Variants in GOLPH3 observed in about 807,000 individuals in gnomAD.
GOLPH3 encodes the protein coat protein GPP34.
In GOLPH3, 14 loss-of-function variants were observed where a neutral mutation model predicts 28.5. The ratio of observed to expected loss-of-function variants is 0.49; its 90% CI spans 0.32 to 0.77. The LOEUF (loss-of-function observed/expected upper bound fraction) is 0.77, where lower values mean the gene tolerates loss of function less well. Ranked by LOEUF, GOLPH3 falls within the 30% of genes least tolerant of loss-of-function variation. The pLI, the probability that GOLPH3 is intolerant of heterozygous loss-of-function variation, is 0.03. For synonymous variants in GOLPH3, 158 were observed against 159.2 expected, an observed-to-expected ratio of 0.99 and a Z score of 0.06; for missense variants, 350 against 393.7, an observed-to-expected ratio of 0.89 and a Z score of 0.94.
chr5:32,139,748 G>C (rs1441849459), intron 2 of GOLPH3, among the ~76,000 whole-genome samples: 1 of 152,152 alleles, frequency 6.6e-6, no homozygotes, highest in African/African-American at 2.4e-5. Flanking sequence ...TAACGTGAAA[G>C]AAAGCTTCCA....
At position 32,171,379 on chromosome 5, in the gene GOLPH3, C is replaced by G. The variant is rs143985446; in HGVS notation, c.225+2431G>C. On this transcript the variant is annotated intron_variant, in intron 1 of 3. Transcript: ENST00000265070. ...AAGCCATCCTGGGCCACATTTGGCC[C>G]GCGGGTTGGAAAAGCTTGATTTAGA... Among the ~76,000 whole-genome samples the G allele has an allele frequency of 4.5e-3, 688 of 152,026 alleles. 4 individuals are homozygous for G. Among genetic ancestry groups the G allele is most frequent in the African/African-American group, 0.016 (653 of 41,472 alleles).
chr5:32,158,023 T>TAC (rs368465798), intron 1 of GOLPH3, among the ~76,000 whole-genome samples: 579 of 26,728 alleles, frequency 0.022, 68 homozygotes, highest in South Asian at 0.072. Context: ...ATAAATAAAA[T>TAC]ACACACACAC....
chr5:32,165,626 T>C (rs1561685198), intron 1 of GOLPH3, among the ~76,000 whole-genome samples: 1 of 152,164 alleles, frequency 6.6e-6, no homozygotes, highest in Non-Finnish European at 1.5e-5. Flanking sequence ...CATAATTTAG[T>C]TTTGTAGTTT....
Position 32,174,020 on chromosome 5 carries a change from G to C in GOLPH3, c.15C>G (p.Thr5=). 1 of 1,297,690 alleles carries C rather than the reference G, an allele frequency of 7.7e-7. No homozygotes were observed. The highest frequency in any genetic ancestry group is 9.7e-7 in the Non-Finnish European group (1 of 1,031,078). The allele number at this position is 1,297,690 out of a possible 1,614,324, so 80.4% of individuals were successfully genotyped here. Residue 5 remains threonine (T), a synonymous_variant, in exon 1 of 4, where the codon ACC becomes ACG. Coordinates refer to ENST00000265070, the MANE Select transcript of GOLPH3 (RefSeq NM_022130.4). MTSL[T]QRSSGLVQRR... is the part of the protein sequence containing the mutation. Reference sequence around the variant, plus strand: ...GCTGCACCAGGCCGGAGCTGCGCTGGGTCAGCGAGGTCATGGCTCCCGCCG... The same window carrying C: ...GCTGCACCAGGCCGGAGCTGCGCTGCGTCAGCGAGGTCATGGCTCCCGCCG...
chr5:32,129,140 C>T (rs1745767655), intron 3 of GOLPH3, among the ~76,000 whole-genome samples: 1 of 152,150 alleles, frequency 6.6e-6, no homozygotes, highest in African/African-American at 2.4e-5. Flanking sequence ...CGAGATTGCA[C>T]CACTGCACTC....
At chr5:32,150,774 G>A (rs901300489) in intron 1 of GOLPH3, among the ~76,000 whole-genome samples, 4 of 152,038 alleles carry the variant, frequency 2.6e-5, no homozygotes, top group African/African-American at 7.2e-5. Flanking sequence ...TCACGCTGGT[G>A]CTGAAAAAGT....
At chr5:32,148,337 T>A (rs1180623234) in intron 1 of GOLPH3, among the ~76,000 whole-genome samples, 1 of 152,260 alleles carries the variant, frequency 6.6e-6, no homozygotes, top group Non-Finnish European at 1.5e-5. Context: ...TACTACGTTA[T>A]ATGAATGTTC....
At chr5:32,148,531 C>T (rs1305620290) in intron 1 of GOLPH3, among the ~76,000 whole-genome samples, 1 of 152,220 alleles carries the variant, frequency 6.6e-6, no homozygotes, top group East Asian at 1.9e-4. Context: ...CACATGGTGG[C>T]TCACGCCTGT....
At chr5:32,139,808 T>A (rs1341777147) in intron 2 of GOLPH3, among the ~76,000 whole-genome samples, 1 of 151,998 alleles carries the variant, frequency 6.6e-6, no homozygotes, top group Non-Finnish European at 1.5e-5. Flanking sequence ...GAAACAGATA[T>A]AATACAGATA....
At chr5:32,132,628 G>A (rs1745846643) in intron 3 of GOLPH3, among the ~76,000 whole-genome samples, 1 of 152,130 alleles carries the variant, frequency 6.6e-6, no homozygotes, top group Non-Finnish European at 1.5e-5. Context: ...TAGCACATAT[G>A]TCATTATTGG....
At chr5:32,161,816 A>C (rs1746585826) in intron 1 of GOLPH3, among the ~76,000 whole-genome samples, 1 of 150,810 alleles carries the variant, frequency 6.6e-6, no homozygotes, top group Non-Finnish European at 1.5e-5. Context: ...CCACGAGGTC[A>C]GGAGATCAAA....
intron 1 of GOLPH3, among the ~76,000 whole-genome samples, chr5:32,147,449 A>G (rs754732604): frequency 6.6e-6 from 1 of 151,924 alleles, no homozygotes; most frequent in Admixed American, 6.6e-5. Context: ...AAAAAAAAAG[A>G]AAAGAAATCC....
intron 1 of GOLPH3, among the ~76,000 whole-genome samples, chr5:32,173,505 G>C (rs1746894634): frequency 6.6e-6 from 1 of 152,094 alleles, no homozygotes; most frequent in Non-Finnish European, 1.5e-5. Flanking sequence ...GGTTAAAAAC[G>C]CGGAAAAAAG....
chr5:32,171,026 A>G (rs1746822244), intron 1 of GOLPH3, among the ~76,000 whole-genome samples: 1 of 152,350 alleles, frequency 6.6e-6, no homozygotes, highest in East Asian at 1.9e-4. Flanking sequence ...GATGCAAAAT[A>G]AACAGAACAC....
intron 1 of GOLPH3, among the ~76,000 whole-genome samples, chr5:32,169,111 T>TA (rs201258179): frequency 2.5e-4 from 37 of 150,876 alleles, no homozygotes; most frequent in African/African-American, 6.3e-4. Context: ...CCTGTCTTTA[T>TA]AAAAAAAAAA....
Position 32,164,861 on chromosome 5 carries a change from AAAT to A in GOLPH3, c.225+8946_225+8948del, listed in dbSNP as rs1257170119. Reference sequence around the variant, plus strand: ...ATTTAATAAGTAAATTTACTTTAATAAATAATATTAGCTTACTTAATAAGGTAA... The same window carrying A: ...ATTTAATAAGTAAATTTACTTTAATAAATATTAGCTTACTTAATAAGGTAA... On this transcript the variant is annotated intron_variant, in intron 1 of 3. Coordinates refer to ENST00000265070, the MANE Select transcript of GOLPH3 (RefSeq NM_022130.4). 4.0e-5 allele frequency among the ~76,000 whole-genome samples: 6 copies of A among 151,868 alleles called. No individual in the cohort carries two copies. In the East Asian group the frequency reaches 7.7e-4, roughly 20 times the overall value.
chr5:32,170,815 A>C (rs1041592528), intron 1 of GOLPH3, among the ~76,000 whole-genome samples: 5 of 152,148 alleles, frequency 3.3e-5, no homozygotes, highest in African/African-American at 1.2e-4. Context: ...AAAAATATAT[A>C]GGCTAATCCC....
At chr5:32,131,145 T>TA (rs1745816981) in intron 3 of GOLPH3, among the ~76,000 whole-genome samples, 1 of 152,162 alleles carries the variant, frequency 6.6e-6, no homozygotes, top group South Asian at 2.1e-4. Flanking sequence ...CTCCAACAAA[T>TA]AGACGGTTAT....
chr5:32,142,435 C>A (rs1419548309), intron 2 of GOLPH3, among the ~76,000 whole-genome samples: 1 of 149,986 alleles, frequency 6.7e-6, no homozygotes, highest in East Asian at 2.0e-4. Flanking sequence ...AAGTGAGGAG[C>A]GTCTCCGCCC....
Sources: allele counts gnomAD v4.1 joint callset (sites outside exome capture counted in the v4.1 genomes callset), GRCh38; gene constraint gnomAD v4.1.1; transcripts MANE v1.5; gene names NCBI Gene and HGNC (gene_info 2026-07-23, HGNC 2026-07-21).